Variants in PRDM6 observed in about 807,000 individuals in gnomAD.
PRDM6 encodes putative histone-lysine N-methyltransferase PRDM6.
A neutral mutation model predicts 60.8 loss-of-function variants in PRDM6; 25 were observed. That is an observed-to-expected ratio of 0.41 (90% CI 0.30 to 0.57). The LOEUF (loss-of-function observed/expected upper bound fraction) is 0.57. Among genes scored for constraint, PRDM6 ranks in the 20% least tolerant of loss-of-function variants. The pLI is 0.27. For synonymous variants in PRDM6, 407 were observed against 357.4 expected (o/e 1.14, Z -1.57); for missense variants, 839 against 821.3 (o/e 1.02, Z -0.26).
chr5:123,159,124 T>C (rs1433340554), intron 4 of PRDM6, among the ~76,000 whole-genome samples: 2 of 152,210 alleles, frequency 1.3e-5, no homozygotes, highest in Non-Finnish European at 2.9e-5. Context: ...ATTTAATGCT[T>C]TTCCTTCAAA....
At chr5:123,126,306 C>T (rs1238248341) in intron 3 of PRDM6, among the ~76,000 whole-genome samples, 2 of 152,002 alleles carry the variant, frequency 1.3e-5, no homozygotes, top group Non-Finnish European at 2.9e-5. Context: ...ACAGTGATGG[C>T]AATCACTATA....
chr5:123,154,096 A>G (rs1419689312), intron 3 of PRDM6, among the ~76,000 whole-genome samples: 2 of 151,952 alleles, frequency 1.3e-5, no homozygotes, highest in Non-Finnish European at 2.9e-5. Flanking sequence ...GAGGCTGTCA[A>G]CAACAGTTTC....
chr5:123,112,451 G>A (rs1015571183), intron 3 of PRDM6, among the ~76,000 whole-genome samples: 2 of 151,970 alleles, frequency 1.3e-5, no homozygotes, highest in Non-Finnish European at 2.9e-5. Flanking sequence ...TTCCCTCCTC[G>A]GCTTCCCATT....
At chr5:123,134,382 C>T (rs886225322) in intron 3 of PRDM6, among the ~76,000 whole-genome samples, 1 of 151,746 alleles carries the variant, frequency 6.6e-6, no homozygotes, top group Non-Finnish European at 1.5e-5. Flanking sequence ...AAACTAGCAT[C>T]TAGAAAAAAA....
chr5:123,147,279 A>AAGAGAGAGAGAGAG (rs3036135), intron 3 of PRDM6, among the ~76,000 whole-genome samples: 102 of 147,580 alleles, frequency 6.9e-4, no homozygotes, highest in African/African-American at 1.8e-3. Context: ...TGATACTAAA[A>AAGAGAGAGAGAGAG]AGAGAGAGAG....
chr5:123,126,277 G>T (rs2150220624), intron 3 of PRDM6, among the ~76,000 whole-genome samples: 1 of 152,174 alleles, frequency 6.6e-6, no homozygotes, highest in Non-Finnish European at 1.5e-5. Flanking sequence ...GCTGCCTCCA[G>T]GGTTCCATAA....
At chr5:123,142,390 A>T (rs1765125187) in intron 3 of PRDM6, among the ~76,000 whole-genome samples, 1 of 152,300 alleles carries the variant, frequency 6.6e-6, no homozygotes, top group South Asian at 2.1e-4. Flanking sequence ...AGAACATAGG[A>T]TTCCTCATCT....
chr5:123,145,197 C>G (rs1348276311), intron 3 of PRDM6, among the ~76,000 whole-genome samples: 1 of 152,178 alleles, frequency 6.6e-6, no homozygotes, highest in East Asian at 1.9e-4. Context: ...TAATGGATTA[C>G]CTTTTCCACA....
chr5:123,096,682 A>G (rs145326000), intron 2 of PRDM6, among the ~76,000 whole-genome samples: 2 of 152,358 alleles, frequency 1.3e-5, no homozygotes, highest in East Asian at 1.9e-4. Flanking sequence ...TAACACACAG[A>G]TAGTCTTCTA....
chr5:123,187,312 C>T lies in PRDM6; in HGVS notation c.*111C>T. The T allele has an allele frequency of 1.4e-6, 1 of 718,120 alleles. No individual in the cohort carries two copies. The highest frequency in any genetic ancestry group is 2.4e-6 in the Non-Finnish European group (1 of 415,510). The allele number at this position is 718,120 out of a possible 1,614,324, so 44.5% of individuals were successfully genotyped here. A position where few individuals can be genotyped will look rare whatever the true frequency, so the allele number is the denominator to read the frequency against. On this transcript the variant is annotated 3_prime_UTR_variant, in exon 8 of 8. Coordinates refer to ENST00000407847, the MANE Select transcript of PRDM6 (RefSeq NM_001136239.4). ...GCAACTTTCAATCAGTCCCAGAAAACCAAAAGCAGTAATAAAATAAGTAAG... is the reference window on the plus strand; with the variant it reads ...GCAACTTTCAATCAGTCCCAGAAAATCAAAAGCAGTAATAAAATAAGTAAG...
chr5:123,092,553 C>T (rs1763865401), intron 2 of PRDM6, among the ~76,000 whole-genome samples: 2 of 152,026 alleles, frequency 1.3e-5, no homozygotes, highest in African/African-American at 4.8e-5. Flanking sequence ...CAGTTTATTG[C>T]CTGGGTAACT....
intron 3 of PRDM6, among the ~76,000 whole-genome samples, chr5:123,145,698 CAT>C: frequency 6.6e-6 from 1 of 151,614 alleles, no homozygotes; most frequent in Admixed American, 6.6e-5. Context: ...CCCAACGTGA[CAT>C]AAGGAAATGT....
intron 3 of PRDM6, among the ~76,000 whole-genome samples, chr5:123,142,191 C>CATA (rs1328226961): frequency 6.6e-6 from 1 of 152,072 alleles, no homozygotes; most frequent in African/African-American, 2.4e-5. Context: ...TGACTCTTAT[C>CATA]CTTCTGGGTT....
chr5:123,110,924 C>A (rs151283), intron 3 of PRDM6, among the ~76,000 whole-genome samples: 40,583 of 151,896 alleles, frequency 0.27, 6,103 homozygotes, highest in East Asian at 0.51. Context: ...ACGACCAATC[C>A]AGGTTAGTCC....
chr5:123,137,680 C>T (rs1561843459), intron 3 of PRDM6, among the ~76,000 whole-genome samples: 1 of 152,096 alleles, frequency 6.6e-6, no homozygotes, highest in Non-Finnish European at 1.5e-5. Flanking sequence ...AGGAGAAATA[C>T]CTGATGTAGA....
At chr5:123,107,493 TCAGAAATGGGCATGC>T (rs1004083413) in intron 3 of PRDM6, among the ~76,000 whole-genome samples, 2 of 152,210 alleles carry the variant, frequency 1.3e-5, no homozygotes, top group African/African-American at 4.8e-5. Context: ...TCCTGAAATA[TCAGAAATGGGCATGC>T]CACATGAATC....
At chr5:123,175,081 A>G (rs1433528086) in intron 6 of PRDM6, among the ~76,000 whole-genome samples, 2 of 152,198 alleles carry the variant, frequency 1.3e-5, no homozygotes, top group Non-Finnish European at 2.9e-5. Context: ...GCTCAAACCA[A>G]AAGTGCTTTT....
intron 3 of PRDM6, among the ~76,000 whole-genome samples, chr5:123,115,611 A>C (rs1243080469): frequency 6.6e-6 from 1 of 152,222 alleles, no homozygotes; most frequent in East Asian, 1.9e-4. Context: ...AGAAAAACAA[A>C]TTTGGTGTAA....
chr5:123,109,742 T>C (rs1357724432), intron 3 of PRDM6, among the ~76,000 whole-genome samples: 3 of 152,238 alleles, frequency 2.0e-5, no homozygotes, highest in Non-Finnish European at 4.4e-5. Flanking sequence ...TTCCTAAATG[T>C]ACCTGATTTC....
Sources: allele counts gnomAD v4.1 joint callset (sites outside exome capture counted in the v4.1 genomes callset), GRCh38; gene constraint gnomAD v4.1.1; transcripts MANE v1.5; gene names NCBI Gene and HGNC (gene_info 2026-07-23, HGNC 2026-07-21).